Variants in RCBTB2 observed in about 807,000 individuals in gnomAD.
The protein encoded by RCBTB2 is RCC1 and BTB domain-containing protein 2.
In RCBTB2, 55 loss-of-function variants were observed where a neutral mutation model predicts 65.4. The observed-to-expected ratio is 0.84, with a 90% confidence interval of 0.68 to 1.05. RCBTB2 has a LOEUF of 1.05. RCBTB2 is among the 50% of genes least tolerant of loss of function. RCBTB2 has a pLI of 0.00. For synonymous variants in RCBTB2, 220 were observed against 255.2 expected, an observed-to-expected ratio of 0.86 and a Z score of 1.31; for missense variants, 599 against 680.1, an observed-to-expected ratio of 0.88 and a Z score of 1.33.
chr13:48,493,315 ACTCTCTCTCTCTCT>A (rs3085593), intron 14 of RCBTB2, among the ~76,000 whole-genome samples: 16 of 75,020 alleles, frequency 2.1e-4, no homozygotes, highest in African/African-American at 9.6e-4. Flanking sequence ...ACACACACAC[ACTCTCTCTCTCTCT>A]CTCTCTCTCT....
chr13:48,518,472 A>AAAATATATATATATATATAT (rs1491137365), intron 4 of RCBTB2, among the ~76,000 whole-genome samples: 2 of 116,620 alleles, frequency 1.7e-5, no homozygotes, highest in African/African-American at 7.5e-5. Flanking sequence ...AAAAAAAAAA[A>AAAATATATATATATATATAT]ATATATATAT....
In RCBTB2 at chr13:48,489,977, C is replaced by A; in HGVS notation, c.*134G>T. On this transcript the variant is annotated 3_prime_UTR_variant, in exon 15 of 15. Coordinates refer to ENST00000344532, the MANE Select transcript of RCBTB2 (RefSeq NM_001268.4). The stretch of plus-strand genomic sequence containing the variant: ...TAGGCAGACAAAGACCACTCACCAC[C>A]ATCCTTCTTCTGACAGTTACAAGTA... The A allele has an allele frequency of 2.1e-6, 2 of 947,296 alleles. No homozygotes were observed. The highest frequency in any genetic ancestry group is 3.3e-6 in the Non-Finnish European group (2 of 602,400). The allele number at this position is 947,296 out of a possible 1,614,324, so 58.7% of individuals were successfully genotyped here.
Position 48,515,642 on chromosome 13 carries a change from C to A in RCBTB2, c.142G>T (p.Ala48Ser), listed in dbSNP as rs373503489. 1.2e-5 allele frequency: 20 copies of A among 1,613,970 alleles called. No individual in the cohort carries two copies. In the South Asian group the frequency reaches 2.0e-4, roughly 16 times the overall value. ...TTGCCAGCACTGCCAAAGACACAAG[C>A]CTGACGAATTAACTGTAGTTCTTCT... is the stretch of plus-strand genomic sequence containing the variant. ...SEEELQLIRQ[A>S]CVFGSAGNEV... The change falls in exon 5 of 15, where the codon GCT becomes TCT. Residue 48 changes from alanine to serine, a missense_variant. Ala to Ser is a moderately conservative substitution (Grantham distance 99, BLOSUM62 1). Transcript: ENST00000344532.
intron 10 of RCBTB2, among the ~76,000 whole-genome samples, chr13:48,505,432 T>TC (rs1296261066): frequency 3.3e-5 from 5 of 152,186 alleles, no homozygotes; most frequent in Non-Finnish European, 7.3e-5. Context: ...GTTAGGCCAG[T>TC]CCCCTGGCCT....
At chr13:48,498,654 C>T (rs1033104403) in intron 13 of RCBTB2, among the ~76,000 whole-genome samples, 1 of 152,008 alleles carries the variant, frequency 6.6e-6, no homozygotes, top group East Asian at 1.9e-4. Context: ...CGCTTGAAAC[C>T]GGGAGGCGGA....
chr13:48,523,727 C>G (rs1951551724), intron 2 of RCBTB2, among the ~76,000 whole-genome samples: 1 of 152,152 alleles, frequency 6.6e-6, no homozygotes, highest in Non-Finnish European at 1.5e-5. Context: ...GGCCCCCTTT[C>G]GTTCCTAGCA....
rs773858097 is a variant in RCBTB2, at chr13:48,515,194, T to C, written c.349+11A>G. On this transcript the variant is annotated intron_variant, in intron 6 of 14. Transcript: ENST00000344532. ...ATAAAGCTGAAATTCTACATGGGGT[T>C]CCTAGGTTACCTGTTGTTGCAAGGA... The C allele has an allele frequency of 6.2e-7, 1 of 1,610,072 alleles. No homozygotes were observed. The highest frequency in any genetic ancestry group is 1.1e-5 in the South Asian group (1 of 90,352).
rs1385207643 is a variant in RCBTB2 at position 48,493,257 on chromosome 13, ACACT to A, written c.1515+2930_1515+2933del. ...CACACACACACACACACACACACAC[ACACT>A]CTTCTCTCTCTCACCCTCTCTCTCT... is the stretch of plus-strand genomic sequence containing the variant. On this transcript the variant is annotated intron_variant, in intron 14 of 14. Transcript: ENST00000344532. Among the ~76,000 whole-genome samples, 213 of 142,522 alleles carry A rather than the reference ACACT, an allele frequency of 1.5e-3. 2 individuals carry two copies. The highest frequency in any genetic ancestry group is 5.7e-3 in the African/African-American group (198 of 34,866). 93.5% of individuals were successfully genotyped at this position (142,522 alleles called of 152,430 possible).
upstream of RCBTB2, among the ~76,000 whole-genome samples, chr13:48,535,317 G>T (rs7986868): frequency 1.3e-5 from 2 of 149,086 alleles, no homozygotes; most frequent in South Asian, 2.1e-4. Context: ...GTGCAGTGGC[G>T]CAATCTCAGC....
chr13:48,522,882 C>T (rs569346078), intron 2 of RCBTB2, among the ~76,000 whole-genome samples: 3 of 152,202 alleles, frequency 2.0e-5, no homozygotes, highest in South Asian at 2.1e-4. Context: ...AATCAAAATA[C>T]AGCCAAGTCT....
intron 4 of RCBTB2, among the ~76,000 whole-genome samples, chr13:48,518,472 AATATATAT>A (rs779789935): frequency 1.7e-5 from 2 of 116,620 alleles, no homozygotes; most frequent in African/African-American, 7.5e-5. Context: ...AAAAAAAAAA[AATATATAT>A]ATATATATAT....
intron 14 of RCBTB2, among the ~76,000 whole-genome samples, chr13:48,493,307 ACACACACACTCT>A (rs1264277519): frequency 1.6e-5 from 1 of 63,100 alleles, no homozygotes; most frequent in African/African-American, 6.5e-5. Context: ...ACACACACAC[ACACACACACTCT>A]CTCTCTCTCT....
chr13:48,496,688 C>T (rs1219293922), intron 13 of RCBTB2, among the ~76,000 whole-genome samples: 1 of 149,670 alleles, frequency 6.7e-6, no homozygotes, highest in East Asian at 2.0e-4. Context: ...GTAAGAGTGC[C>T]CGCCGTGAAA....
chr13:48,518,406 T>G (rs1250011803), intron 4 of RCBTB2, among the ~76,000 whole-genome samples: 1 of 150,128 alleles, frequency 6.7e-6, no homozygotes, highest in African/African-American at 2.5e-5. Flanking sequence ...CCCATTCACT[T>G]TTGAAACAGT....
chr13:48,509,606 A>C (rs1244037033), intron 10 of RCBTB2, among the ~76,000 whole-genome samples: 2 of 152,150 alleles, frequency 1.3e-5, no homozygotes, highest in South Asian at 2.1e-4. Flanking sequence ...AGGGGTCTTA[A>C]ATTTTAAGGT....
At chr13:48,524,922 T>G (rs1338402392) in intron 1 of RCBTB2, among the ~76,000 whole-genome samples, 165 bp from the exon 2 acceptor site, 4 of 152,160 alleles carry the variant, frequency 2.6e-5, no homozygotes, top group Non-Finnish European at 5.9e-5. Context: ...GATGCTCTAT[T>G]ATAAAAATAC....
intron 10 of RCBTB2, among the ~76,000 whole-genome samples, chr13:48,504,855 CT>C (rs1950413135): frequency 6.6e-6 from 1 of 152,122 alleles, no homozygotes; most frequent in African/African-American, 2.4e-5. Context: ...ATCACAGAAC[CT>C]GGAGCTTGTA....
chr13:48,513,303 A>G (rs1950908625), intron 6 of RCBTB2, among the ~76,000 whole-genome samples: 1 of 152,188 alleles, frequency 6.6e-6, no homozygotes, highest in Non-Finnish European at 1.5e-5. Context: ...TGGGTAGCAT[A>G]ATATACAGAA....
In RCBTB2 at chr13:48,489,105, T is replaced by G. The variant is rs1179685144; in HGVS notation, c.*1006A>C. On this transcript the variant is annotated 3_prime_UTR_variant, in exon 15 of 15. Coordinates refer to ENST00000344532, the MANE Select transcript of RCBTB2 (RefSeq NM_001268.4). The stretch of plus-strand genomic sequence containing the variant: ...ATCTGAGACTATGTTCCATTTCAGT[T>G]TCTCTTTTGCAATTAGGTAATTTGT... The G allele has an allele frequency of 1.3e-5, 2 of 152,244 alleles. No individual in the cohort carries two copies. The highest frequency in any genetic ancestry group is 2.9e-5 in the Non-Finnish European group (2 of 68,044). 9.4% of individuals were successfully genotyped at this position (152,244 alleles called of 1,614,324 possible).
Sources: allele counts gnomAD v4.1 joint callset (sites outside exome capture counted in the v4.1 genomes callset), GRCh38; gene constraint gnomAD v4.1.1; transcripts MANE v1.5; gene names NCBI Gene and HGNC (gene_info 2026-07-23, HGNC 2026-07-21).